Variants in SLC6A11 observed in about 807,000 individuals in gnomAD.
SLC6A11 encodes the protein sodium- and chloride-dependent GABA transporter 3.
Under a neutral mutation model 74.8 loss-of-function variants are expected in SLC6A11, and 25 were observed. That is an observed-to-expected ratio of 0.33 (90% CI 0.24 to 0.47). SLC6A11 has a LOEUF of 0.47. SLC6A11 is among the 20% of genes least tolerant of loss of function. SLC6A11 has a pLI of 1.00. For missense variants in SLC6A11, 574 were observed against 837.0 expected (o/e 0.69, Z 3.88); for synonymous variants, 330 against 330.2 (o/e 1.00, Z 0.01).
intron 6 of SLC6A11, among the ~76,000 whole-genome samples, chr3:10,907,010 T>A (rs1178723345): frequency 6.6e-6 from 1 of 152,146 alleles, no homozygotes; most frequent in Non-Finnish European, 1.5e-5. Flanking sequence ...TCAAAACTTA[T>A]GCAAAGCTGT....
intron 6 of SLC6A11, among the ~76,000 whole-genome samples, chr3:10,890,015 A>G (rs1325427901): frequency 2.0e-5 from 3 of 152,216 alleles, no homozygotes; most frequent in Non-Finnish European, 4.4e-5. Context: ...TAAACCACAT[A>G]TGTCTATTTA....
chr3:10,834,142 G>T (rs980003589), intron 4 of SLC6A11, among the ~76,000 whole-genome samples: 1 of 152,228 alleles, frequency 6.6e-6, no homozygotes. Flanking sequence ...GAGATTAAGG[G>T]ACCTGACCAA....
chr3:10,929,798 C>G (rs1695661388), intron 10 of SLC6A11, among the ~76,000 whole-genome samples: 1 of 152,200 alleles, frequency 6.6e-6, no homozygotes, highest in Non-Finnish European at 1.5e-5. Context: ...TGTGCACCAG[C>G]CTGGGACTTC....
intron 5 of SLC6A11, among the ~76,000 whole-genome samples, chr3:10,870,353 A>G (rs1408760925): frequency 6.6e-6 from 1 of 152,218 alleles, no homozygotes; most frequent in Non-Finnish European, 1.5e-5. Flanking sequence ...TAAATGAAAC[A>G]TGGACTAGAC....
Position 10,915,537 on chromosome 3 carries a change from A to C in SLC6A11, c.996-2792A>C, listed in dbSNP as rs1695443090. ...CCCAGCTCAGTGCCTGCCGACTTCA[A>C]AGCACTGTTACATAAGCGTTTTACC... On this transcript the variant is annotated intron_variant, in intron 7 of 13. Transcript: ENST00000254488. The surrounding 1 kb of genome is among the most constrained non-coding windows in gnomAD (Gnocchi z 4.3). 1.3e-5 allele frequency among the ~76,000 whole-genome samples: 2 copies of C among 152,194 alleles called. No individual in the cohort carries two copies. Among genetic ancestry groups the C allele is most frequent in the African/African-American group, 4.8e-5 (2 of 41,432 alleles).
chr3:10,885,486 A>G (rs1695031670), intron 6 of SLC6A11, among the ~76,000 whole-genome samples: 2 of 152,036 alleles, frequency 1.3e-5, no homozygotes, highest in Admixed American at 1.3e-4. Context: ...ACATTTGGTA[A>G]TGTCTAGAAA....
intron 6 of SLC6A11, among the ~76,000 whole-genome samples, chr3:10,882,050 C>T (rs1278100193): frequency 3.9e-5 from 6 of 152,266 alleles, no homozygotes; most frequent in African/African-American, 1.4e-4. Flanking sequence ...AGGGATTCTG[C>T]ATGAAGGCTG....
intron 1 of SLC6A11, among the ~76,000 whole-genome samples, chr3:10,817,812 G>C (rs1694082951): frequency 6.6e-6 from 1 of 152,186 alleles, no homozygotes; most frequent in Non-Finnish European, 1.5e-5. Context: ...TTGGCGGCTT[G>C]GCAAGGGAGA....
chr3:10,938,558 T>A lies in SLC6A11; in HGVS notation c.*156T>A. On this transcript the variant is annotated 3_prime_UTR_variant, in exon 14 of 14. Coordinates refer to ENST00000254488, the MANE Select transcript of SLC6A11 (RefSeq NM_014229.3). Reference sequence around the variant, plus strand: ...TTAAGGTGGCCACTGTACACTGCTCTAAAGTCATATCCCCTCCCCGCCCCC... The same window carrying A: ...TTAAGGTGGCCACTGTACACTGCTCAAAAGTCATATCCCCTCCCCGCCCCC... 2 of 645,706 alleles carry A rather than the reference T, an allele frequency of 3.1e-6. No homozygotes were observed. The highest frequency in any genetic ancestry group is 2.8e-5 in the East Asian group (1 of 35,382). 40.0% of individuals were successfully genotyped at this position (645,706 alleles called of 1,614,324 possible). A position where few individuals can be genotyped will look rare whatever the true frequency, so the allele number is the denominator to read the frequency against.
intron 5 of SLC6A11, among the ~76,000 whole-genome samples, chr3:10,844,809 T>C (rs1380970531): frequency 6.6e-6 from 1 of 152,170 alleles, no homozygotes; most frequent in Non-Finnish European, 1.5e-5. Flanking sequence ...AGCTGCTTCA[T>C]CTTGCAGCCT....
chr3:10,830,724 A>T (rs558207632), intron 4 of SLC6A11, among the ~76,000 whole-genome samples: 1 of 152,266 alleles, frequency 6.6e-6, no homozygotes, highest in African/African-American at 2.4e-5. Context: ...TGGTGACCCC[A>T]TAGTGGGAGG....
intron 3 of SLC6A11, among the ~76,000 whole-genome samples, chr3:10,820,337 T>C (rs2106569639): frequency 6.6e-6 from 1 of 152,284 alleles, no homozygotes; most frequent in South Asian, 2.1e-4. Flanking sequence ...GTTGCCAAAA[T>C]TAAAAAATTG....
chr3:10,872,216 G>A (rs575804688), intron 5 of SLC6A11, among the ~76,000 whole-genome samples: 1 of 152,274 alleles, frequency 6.6e-6, no homozygotes, highest in South Asian at 2.1e-4. Context: ...TTCATTCACT[G>A]GGCAATCCTG....
chr3:10,846,915 A>G (rs1380748659), intron 5 of SLC6A11, among the ~76,000 whole-genome samples: 1 of 152,236 alleles, frequency 6.6e-6, no homozygotes, highest in Non-Finnish European at 1.5e-5. Flanking sequence ...ATTAAGATGT[A>G]GAACATTGTG....
chr3:10,900,372 C>T (rs765495419), intron 6 of SLC6A11, among the ~76,000 whole-genome samples: 14 of 152,118 alleles, frequency 9.2e-5, no homozygotes, highest in Non-Finnish European at 1.3e-4. Flanking sequence ...GTCAGCAATG[C>T]GCAAAGGGTT....
rs185651327 is a variant in SLC6A11 at position 10,937,105 on chromosome 3, G to A, written c.1747-1145G>A. Reference sequence around the variant, plus strand: ...GAGGACAGAGGTGCGTCAGTGATGCGCTCTGAGGATGCATCCTACTGAATG... The same window carrying A: ...GAGGACAGAGGTGCGTCAGTGATGCACTCTGAGGATGCATCCTACTGAATG... On this transcript the variant is annotated intron_variant, in intron 13 of 13. Coordinates refer to ENST00000254488, the MANE Select transcript of SLC6A11 (RefSeq NM_014229.3). Among the ~76,000 whole-genome samples the A allele has an allele frequency of 4.5e-3, 690 of 152,258 alleles. 5 individuals carry two copies. Among genetic ancestry groups the A allele is most frequent in the African/African-American group, 0.016 (652 of 41,524 alleles).
Position 10,938,476 on chromosome 3 carries a change from C to G in SLC6A11, c.*74C>G. On this transcript the variant is annotated 3_prime_UTR_variant, in exon 14 of 14. Coordinates refer to ENST00000254488, the MANE Select transcript of SLC6A11 (RefSeq NM_014229.3). Reference sequence around the variant, plus strand: ...TGTAAATGAATTCCTGAACCCCATACTTCACCTAATGGTAGGGGCTTGCTT... The same window carrying G: ...TGTAAATGAATTCCTGAACCCCATAGTTCACCTAATGGTAGGGGCTTGCTT... The G allele has an allele frequency of 6.9e-7, 1 of 1,449,476 alleles. No individual in the cohort carries two copies. 89.8% of individuals were successfully genotyped at this position (1,449,476 alleles called of 1,614,324 possible).
intron 7 of SLC6A11, among the ~76,000 whole-genome samples, chr3:10,917,489 A>G (rs936145636): frequency 6.6e-6 from 1 of 152,176 alleles, no homozygotes; most frequent in African/African-American, 2.4e-5. Flanking sequence ...TTGTATGCCT[A>G]AGTCTCAGTC....
intron 8 of SLC6A11, among the ~76,000 whole-genome samples, chr3:10,922,696 C>T (rs1156415122): frequency 6.6e-6 from 1 of 152,046 alleles, no homozygotes; most frequent in African/African-American, 2.4e-5. Flanking sequence ...GTTTCACATA[C>T]CACTCAAACA....
Sources: allele counts gnomAD v4.1 joint callset (sites outside exome capture counted in the v4.1 genomes callset), GRCh38; gene constraint gnomAD v4.1.1; non-coding constraint Gnocchi (gnomAD v3.1); transcripts MANE v1.5; gene names NCBI Gene and HGNC (gene_info 2026-07-23, HGNC 2026-07-21).